Variants in SRPK2 observed in about 807,000 individuals in gnomAD.
SRPK2 encodes the protein SRSF protein kinase 2, also known as SFRS protein kinase 2.
SRPK2 carries 21 observed loss-of-function variants against 90.8 expected under a neutral mutation model. The ratio of observed to expected loss-of-function variants is 0.23; its 90% CI spans 0.16 to 0.33. SRPK2 has a LOEUF of 0.33. Ranked by LOEUF, SRPK2 falls within the 10% of genes least tolerant of loss-of-function variation. The probability of loss-of-function intolerance (pLI) is 1.00; values close to 1 mark genes in which losing one functional copy is unlikely to be tolerated. For missense variants in SRPK2, 620 were observed against 869.0 expected (o/e 0.71, Z 3.60); for synonymous variants, 288 against 311.1 (o/e 0.93, Z 0.78).
At chr7:105,134,290 C>T (rs1802475223) in intron 11 of SRPK2, among the ~76,000 whole-genome samples, 1 of 152,122 alleles carries the variant, frequency 6.6e-6, no homozygotes, top group African/African-American at 2.4e-5. Context: ...TCTCGTGATA[C>T]TGAGTGAGTT....
At chr7:105,384,350 T>C (rs1464423332) in intron 2 of SRPK2, among the ~76,000 whole-genome samples, 1 of 152,212 alleles carries the variant, frequency 6.6e-6, no homozygotes, top group African/African-American at 2.4e-5. Context: ...ATTAAAATTT[T>C]GACCCACTAA....
chr7:105,337,689 G>C (rs1180684303), intron 2 of SRPK2, among the ~76,000 whole-genome samples: 1 of 152,092 alleles, frequency 6.6e-6, no homozygotes, highest in Non-Finnish European at 1.5e-5. Flanking sequence ...GGCACAGTGA[G>C]ACAGAAGGCA....
At chr7:105,316,874 C>T (rs2131475166) in intron 2 of SRPK2, among the ~76,000 whole-genome samples, 1 of 152,188 alleles carries the variant, frequency 6.6e-6, no homozygotes, top group Non-Finnish European at 1.5e-5. Context: ...ACCTGTTTAT[C>T]TCATTTGCAA....
upstream of SRPK2, chr7:105,399,335 G>C (rs1307673944): frequency 1.3e-5 from 2 of 152,168 alleles, no homozygotes; most frequent in Non-Finnish European, 2.9e-5. Flanking sequence ...AGGACTGCTT[G>C]AGTGGCTGGC....
chr7:105,235,154 T>G (rs1799969766), intron 2 of SRPK2, among the ~76,000 whole-genome samples: 1 of 152,200 alleles, frequency 6.6e-6, no homozygotes, highest in African/African-American at 2.4e-5. Context: ...GTAATGTAAT[T>G]TTTTGGAAAC....
At chr7:105,155,831 A>G (rs994342678) in intron 7 of SRPK2, among the ~76,000 whole-genome samples, 1 of 152,232 alleles carries the variant, frequency 6.6e-6, no homozygotes, top group Admixed American at 6.5e-5. Context: ...AAAAACGGAA[A>G]GGTGCCCTTA....
chr7:105,333,493 A>G (rs1814688098), intron 2 of SRPK2, among the ~76,000 whole-genome samples: 1 of 152,222 alleles, frequency 6.6e-6, no homozygotes. Context: ...TAATTCAAAC[A>G]ATACATTACA....
At chr7:105,302,198 T>C in intron 2 of SRPK2, 1 of 788,898 alleles carries the variant, frequency 1.3e-6, no homozygotes, top group Non-Finnish European at 2.2e-6. Context: ...ATAATTTTTG[T>C]ATGTTTCTTA....
chr7:105,203,540 A>G, intron 3 of SRPK2, 88 bp downstream of exon 3: 4 of 1,352,426 alleles, frequency 3.0e-6, no homozygotes, highest in Middle Eastern at 2.9e-4. Flanking sequence ...TTGCATCACT[A>G]CCTCCTCCCC....
intron 3 of SRPK2, among the ~76,000 whole-genome samples, chr7:105,201,647 A>AC (rs1554452134): frequency 2.0e-5 from 3 of 151,598 alleles, no homozygotes; most frequent in African/African-American, 4.8e-5. Flanking sequence ...AAAAAAAAAA[A>AC]AACTTTTCAT....
intron 14 of SRPK2, 35 bp from the exon 15 acceptor site, chr7:105,126,375 G>C: frequency 6.8e-7 from 1 of 1,473,590 alleles, no homozygotes; most frequent in Non-Finnish European, 9.5e-7. Context: ...ATGGGAATGG[G>C]AGGGGCAAAG....
At position 105,146,487 on chromosome 7, in the gene SRPK2, C is replaced by T; in HGVS notation, c.787+6G>A. Reference sequence around the variant, plus strand: ...CACTGAAATGAAGCTGGCTCAGCTCCCTCACCTGCAGACCCTGAAGGAGGA... The same window carrying T: ...CACTGAAATGAAGCTGGCTCAGCTCTCTCACCTGCAGACCCTGAAGGAGGA... On this transcript the variant is annotated splice_donor_region_variant and intron_variant, in intron 8 of 15. Coordinates refer to ENST00000393651, the MANE Select transcript of SRPK2 (RefSeq NM_182692.3). The T allele has an allele frequency of 8.7e-6, 14 of 1,613,752 alleles. No homozygotes were observed. Among genetic ancestry groups the T allele is most frequent in the Non-Finnish European group, 1.2e-5 (14 of 1,179,796 alleles).
chr7:105,263,353 GC>G (rs1387166910), intron 2 of SRPK2, among the ~76,000 whole-genome samples: 4 of 151,706 alleles, frequency 2.6e-5, no homozygotes, highest in Non-Finnish European at 4.4e-5. Flanking sequence ...AATGCTCATA[GC>G]AGCACTATTC....
intron 11 of SRPK2, among the ~76,000 whole-genome samples, chr7:105,135,521 C>T (rs4730070): frequency 0.14 from 21,313 of 152,170 alleles, 1,822 homozygotes; most frequent in East Asian, 0.19. Context: ...GAGAAGAGGG[C>T]GAAGCCCGGT....
Position 105,142,398 on chromosome 7 carries a change from C to G in SRPK2, c.1153G>C (p.Asp385His), listed in dbSNP as rs1803918236. 6.2e-7 allele frequency: 1 copy of G among 1,614,078 alleles called. No homozygotes were observed. The highest frequency in any genetic ancestry group is 8.5e-7 in the Non-Finnish European group (1 of 1,180,004). The change falls in exon 11 of 16, where the codon GAC (aspartate) becomes CAC (histidine). Residue 385 changes from aspartate (D) to histidine (H), a missense_variant. Coordinates refer to ENST00000393651, the MANE Select transcript of SRPK2 (RefSeq NM_182692.3). ...DDVDQELANI[D>H]PTWIESPKTN... ...TTAGGTGATTCTATCCACGTAGGGTCTATGTTCGCAAGTTCCTGATCTACA... is the reference window on the plus strand; with the variant it reads ...TTAGGTGATTCTATCCACGTAGGGTGTATGTTCGCAAGTTCCTGATCTACA...
chr7:105,229,863 G>C (rs531875267), intron 2 of SRPK2, among the ~76,000 whole-genome samples: 2 of 152,282 alleles, frequency 1.3e-5, no homozygotes, highest in East Asian at 3.9e-4. Context: ...GCTGTCCCAG[G>C]GATCTAGTCC....
At chr7:105,208,319 T>C (rs1449692355) in intron 2 of SRPK2, among the ~76,000 whole-genome samples, 1 of 152,138 alleles carries the variant, frequency 6.6e-6, no homozygotes, top group Admixed American at 6.5e-5. Flanking sequence ...TGAAAGCATA[T>C]ATCCAGCAAA....
intron 2 of SRPK2, among the ~76,000 whole-genome samples, chr7:105,385,198 T>TTTGG (rs756321925): frequency 1.3e-5 from 1 of 79,484 alleles, no homozygotes; most frequent in Non-Finnish European, 2.6e-5. Flanking sequence ...TTTTTTTTTT[T>TTTGG]GAGATGGAGT....
intron 2 of SRPK2, among the ~76,000 whole-genome samples, chr7:105,334,965 T>C (rs1368249205): frequency 1.3e-5 from 2 of 148,306 alleles, no homozygotes; most frequent in African/African-American, 5.1e-5. Flanking sequence ...GGTCAGGAGT[T>C]CGATATCAGT....
Sources: gnomAD v4.1 joint callset for allele counts (sites outside exome capture counted in the v4.1 genomes callset) on GRCh38, gnomAD v4.1.1 for gene constraint, MANE v1.5 for transcripts, NCBI Gene and HGNC (gene_info 2026-07-23, HGNC 2026-07-21) for gene names.